Variants in KAZN observed in about 807,000 individuals in gnomAD.
KAZN encodes kazrin, periplakin interacting protein.
In KAZN, 40 loss-of-function variants were observed where a neutral mutation model predicts 87.4. The ratio of observed to expected loss-of-function variants is 0.46; its 90% CI spans 0.36 to 0.60. The LOEUF is 0.60. Ranked by LOEUF, KAZN falls within the 20% of genes least tolerant of loss-of-function variation. The pLI, the probability that KAZN is intolerant of heterozygous loss-of-function variation, is 0.00. For synonymous variants in KAZN, 466 were observed against 458.3 expected, an observed-to-expected ratio of 1.02 and a Z score of -0.22; for missense variants, 898 against 1,073.9, an observed-to-expected ratio of 0.84 and a Z score of 2.29.
intron 1 of KAZN, among the ~76,000 whole-genome samples, chr1:14,077,070 G>A (rs1643489688): frequency 6.6e-6 from 1 of 152,146 alleles, no homozygotes; most frequent in Non-Finnish European, 1.5e-5. Flanking sequence ...TCTCTGGAAT[G>A]GGTCTCTCTT....
intron 1 of KAZN, among the ~76,000 whole-genome samples, chr1:14,693,198 A>G (rs1009672450): frequency 1.3e-5 from 2 of 152,210 alleles, no homozygotes; most frequent in African/African-American, 2.4e-5. Context: ...TGGATAGGAC[A>G]AAAGGACTGT....
chr1:14,782,405 C>T (rs1457224032), intron 1 of KAZN, among the ~76,000 whole-genome samples: 1 of 151,508 alleles, frequency 6.6e-6, no homozygotes, highest in Non-Finnish European at 1.5e-5. Flanking sequence ...AAAATTAGCC[C>T]GGCATGGTAG....
intron 2 of KAZN, among the ~76,000 whole-genome samples, chr1:14,447,820 C>A (rs544059239): frequency 6.6e-6 from 1 of 152,242 alleles, no homozygotes; most frequent in South Asian, 2.1e-4. Flanking sequence ...ATTAGATCAG[C>A]ATTTTGCAGC....
Position 14,501,438 on chromosome 1 carries a change from G to A in KAZN, c.250-97545G>A, listed in dbSNP as rs189330898. ...AGTTGTAAGATACAAGATCAATCTTGTATCTTCCATCAAGATATAAGATGT... is the reference window on the plus strand; with the variant it reads ...AGTTGTAAGATACAAGATCAATCTTATATCTTCCATCAAGATATAAGATGT... On this transcript the variant is annotated intron_variant, in intron 2 of 16. Transcript: ENST00000636203. Among the ~76,000 whole-genome samples the A allele has an allele frequency of 3.3e-5, 5 of 152,214 alleles. No homozygotes were observed. The East Asian group carries it at 9.6e-4, about 29-fold the overall frequency.
rs1215955403 is a variant in KAZN, at chr1:15,094,008, T to A, written c.1223-172T>A. On this transcript the variant is annotated intron_variant, in intron 8 of 14. Coordinates refer to ENST00000376030, the MANE Select transcript of KAZN (RefSeq NM_201628.3). The surrounding 1 kb of genome is among the most constrained non-coding windows in gnomAD (Gnocchi z 4.5). ...CTTTTCTTTTCATAGATTACTTTTGTAATGGGGGCAAGGGCAGAAAAACAA... is the reference window on the plus strand; with the variant it reads ...CTTTTCTTTTCATAGATTACTTTTGAAATGGGGGCAAGGGCAGAAAAACAA... Among the ~76,000 whole-genome samples the A allele has an allele frequency of 6.6e-6, 1 of 152,216 alleles. No individual in the cohort carries two copies. The highest frequency in any genetic ancestry group is 1.5e-5 in the Non-Finnish European group (1 of 68,034).
intron 1 of KAZN, among the ~76,000 whole-genome samples, chr1:14,621,212 AG>A (rs1678671901): frequency 6.6e-6 from 1 of 152,168 alleles, no homozygotes; most frequent in African/African-American, 2.4e-5. Context: ...CAATGGCTGG[AG>A]GGTGGAAAGA....
intron 8 of KAZN, among the ~76,000 whole-genome samples, chr1:15,092,281 G>C (rs1472772804): frequency 4.0e-5 from 6 of 151,656 alleles, no homozygotes; most frequent in African/African-American, 1.2e-4. Flanking sequence ...CTCCATGTTG[G>C]TCAGGCTGGT....
In KAZN at chr1:15,009,365, C is replaced by T. The variant is rs187533624; in HGVS notation, c.419-25384C>T. Among the ~76,000 whole-genome samples, 24 of 152,312 alleles carry T rather than the reference C, an allele frequency of 1.6e-4. No individual in the cohort carries two copies. In the East Asian group the frequency reaches 3.3e-3, roughly 21 times the overall value. ...TGTGCTTATGGAGAACTCAGGTAAG[C>T]GCCATCCCAGCTCCCAGAGCACGCT... On this transcript the variant is annotated intron_variant, in intron 2 of 14. Transcript: ENST00000376030.
intron 1 of KAZN, among the ~76,000 whole-genome samples, chr1:14,959,382 T>C (rs867188698): frequency 5.9e-5 from 9 of 151,692 alleles, no homozygotes; most frequent in African/African-American, 2.2e-4. Context: ...CTGGAAAGAG[T>C]GTGGCATATT....
intron 1 of KAZN, among the ~76,000 whole-genome samples, chr1:14,139,426 G>C (rs373474775): frequency 2.6e-5 from 4 of 152,170 alleles, no homozygotes; most frequent in South Asian, 4.1e-4. Context: ...CACATCACAC[G>C]TATAGCTTAC....
chr1:15,037,727 G>A (rs1166386177), intron 3 of KAZN, among the ~76,000 whole-genome samples: 5 of 152,122 alleles, frequency 3.3e-5, no homozygotes, highest in South Asian at 2.1e-4. Context: ...TGGCAAACCC[G>A]GAGAAGGAAA....
chr1:13,935,926 ATG>A (rs1358779010), intron 1 of KAZN, among the ~76,000 whole-genome samples: 5 of 150,174 alleles, frequency 3.3e-5, no homozygotes, highest in Non-Finnish European at 5.9e-5. Context: ...TATTTAATAT[ATG>A]TACATCATCA....
intron 2 of KAZN, among the ~76,000 whole-genome samples, chr1:14,419,935 A>C (rs1250435059): frequency 6.6e-6 from 1 of 152,066 alleles, no homozygotes; most frequent in Non-Finnish European, 1.5e-5. Context: ...CGAAAGAACA[A>C]AACTTCCACA....
intron 1 of KAZN, among the ~76,000 whole-genome samples, chr1:14,017,343 A>G (rs1463787077): frequency 6.6e-6 from 1 of 152,218 alleles, no homozygotes; most frequent in Non-Finnish European, 1.5e-5. Flanking sequence ...GACTAGATTC[A>G]GGAAGTAACT....
intron 1 of KAZN, among the ~76,000 whole-genome samples, chr1:14,083,211 G>A (rs1643745780): frequency 2.0e-5 from 3 of 152,174 alleles, no homozygotes; most frequent in Admixed American, 2.0e-4. Flanking sequence ...TTTGCATCAT[G>A]GTCTTGATTG....
At chr1:14,082,513 T>C (rs1643717278) in intron 1 of KAZN, among the ~76,000 whole-genome samples, 1 of 152,024 alleles carries the variant, frequency 6.6e-6, no homozygotes, top group African/African-American at 2.4e-5. Context: ...CAACCCTTGA[T>C]TGCATCCTGT....
At chr1:14,066,855 A>G (rs959624461) in intron 1 of KAZN, among the ~76,000 whole-genome samples, 4 of 152,216 alleles carry the variant, frequency 2.6e-5, no homozygotes, top group African/African-American at 9.6e-5. Flanking sequence ...ACCTGTATCC[A>G]TTAGCTCAGC....
At chr1:14,155,359 G>A (rs902507043) in intron 1 of KAZN, among the ~76,000 whole-genome samples, 6 of 151,994 alleles carry the variant, frequency 3.9e-5, no homozygotes, top group African/African-American at 1.4e-4. Flanking sequence ...CTTTAATTTT[G>A]TGGTATCAGT....
intron 1 of KAZN, among the ~76,000 whole-genome samples, chr1:14,924,947 A>G (rs1021749675): frequency 1.3e-5 from 2 of 152,178 alleles, no homozygotes; most frequent in Non-Finnish European, 2.9e-5. Context: ...CCTGTGAGCC[A>G]TGTGGCGGCC....
Sources: gnomAD v4.1 joint callset for allele counts (sites outside exome capture counted in the v4.1 genomes callset) on GRCh38, gnomAD v4.1.1 for gene constraint, Gnocchi (gnomAD v3.1) non-coding constraint, MANE v1.5 for transcripts, NCBI Gene and HGNC (gene_info 2026-07-23, HGNC 2026-07-21) for gene names.